DOCK4: variants seen among roughly 807,000 people sequenced by gnomAD.
DOCK4 encodes dedicator of cytokinesis 4, also known as dedicator of cytokinesis protein 4.
DOCK4 carries 97 observed loss-of-function variants against 268.1 expected under a neutral mutation model. That is an observed-to-expected ratio of 0.36 (90% CI 0.31 to 0.43). DOCK4 has a LOEUF of 0.43. DOCK4 is among the 20% of genes least tolerant of loss of function. The pLI is 1.00. For synonymous variants in DOCK4, 954 were observed against 887.2 expected, an observed-to-expected ratio of 1.08 and a Z score of -1.34; for missense variants, 2,145 against 2,455.7, an observed-to-expected ratio of 0.87 and a Z score of 2.67.
intron 1 of DOCK4, among the ~76,000 whole-genome samples, chr7:112,039,160 CCATATTTCA>C (rs1164431969): frequency 6.6e-6 from 1 of 152,124 alleles, no homozygotes; most frequent in Admixed American, 6.5e-5. Context: ...GAATCATCAT[CCATATTTCA>C]ACACACACTT....
chr7:111,836,837 T>C (rs146775889), intron 25 of DOCK4, among the ~76,000 whole-genome samples: 5 of 151,480 alleles, frequency 3.3e-5, no homozygotes, highest in East Asian at 1.9e-4. Flanking sequence ...AAATAAAGCA[T>C]AGACAGAAAA....
intron 38 of DOCK4, 88 bp from the exon 39 acceptor site, chr7:111,765,310 G>T: frequency 1.2e-6 from 1 of 813,222 alleles, no homozygotes; most frequent in Non-Finnish European, 1.9e-6. Flanking sequence ...TTTACATAAA[G>T]GAGAACTTTA....
At chr7:111,828,798 G>C (rs1230490222) in intron 26 of DOCK4, among the ~76,000 whole-genome samples, 1 of 151,232 alleles carries the variant, frequency 6.6e-6, no homozygotes, top group African/African-American at 2.4e-5. Flanking sequence ...AAGGTAGTGG[G>C]CTATATAATA....
At chr7:112,082,099 C>T (rs1273809668) in intron 1 of DOCK4, among the ~76,000 whole-genome samples, 2 of 152,072 alleles carry the variant, frequency 1.3e-5, no homozygotes, top group African/African-American at 4.8e-5. Flanking sequence ...TAGCTCCGCA[C>T]CTGTCATGGA....
At chr7:111,812,060 G>A in intron 27 of DOCK4, 111 bp from the exon 28 acceptor site, 2 of 555,650 alleles carry the variant, frequency 3.6e-6, no homozygotes, top group Non-Finnish European at 3.2e-6. Context: ...GTAAGCATCT[G>A]GAGCAATATT....
intron 1 of DOCK4, among the ~76,000 whole-genome samples, chr7:112,135,326 T>C (rs535010033): frequency 1.2e-4 from 19 of 152,310 alleles, no homozygotes; most frequent in African/African-American, 4.1e-4. Flanking sequence ...TTTAGTCTTA[T>C]GTTTTTGTCA....
chr7:111,941,164 T>A (rs1362675715), intron 10 of DOCK4, among the ~76,000 whole-genome samples: 3 of 152,200 alleles, frequency 2.0e-5, no homozygotes, highest in African/African-American at 7.2e-5. Context: ...CCCGAAAACC[T>A]CTTATTTTAT....
chr7:112,204,982 T>TA (rs1242787922), intron 1 of DOCK4, among the ~76,000 whole-genome samples: 2 of 152,060 alleles, frequency 1.3e-5, no homozygotes, highest in African/African-American at 4.8e-5. Flanking sequence ...TGCTTTCTGT[T>TA]AGACCTTCTG....
chr7:112,089,318 T>C (rs1486043630), intron 1 of DOCK4, among the ~76,000 whole-genome samples: 1 of 152,100 alleles, frequency 6.6e-6, no homozygotes, highest in Non-Finnish European at 1.5e-5. Flanking sequence ...ATATAATCAA[T>C]ACAAAAAACT....
chr7:111,918,136 G>A (rs557922165), intron 12 of DOCK4, among the ~76,000 whole-genome samples: 4 of 152,164 alleles, frequency 2.6e-5, no homozygotes, highest in Non-Finnish European at 5.9e-5. Flanking sequence ...AGAAACTGGA[G>A]CCTCTCCTGA....
rs17159315 is a variant in DOCK4, at chr7:112,160,855, G to A, written c.37+45247C>T. On this transcript the variant is annotated intron_variant, in intron 1 of 52. Coordinates refer to ENST00000428084, the MANE Select transcript of DOCK4 (RefSeq NM_001363540.2). The stretch of plus-strand genomic sequence containing the variant: ...TTTACATTTCATCAGTTTTTCCTGA[G>A]AATGAAGGCTGAGCAAATATTTTCA... Among the ~76,000 whole-genome samples the A allele has an allele frequency of 7.4e-3, 1,127 of 152,266 alleles. 13 individuals are homozygous for A. Among genetic ancestry groups the A allele is most frequent in the African/African-American group, 0.025 (1,051 of 41,552 alleles).
At chr7:112,037,625 T>C (rs1490254508) in intron 1 of DOCK4, among the ~76,000 whole-genome samples, 1 of 152,254 alleles carries the variant, frequency 6.6e-6, no homozygotes, top group African/African-American at 2.4e-5. Flanking sequence ...TGTATATTAA[T>C]AGTCCTTTTA....
chr7:111,743,149 T>A (rs1192753293), intron 44 of DOCK4, among the ~76,000 whole-genome samples: 1 of 152,206 alleles, frequency 6.6e-6, no homozygotes, highest in Non-Finnish European at 1.5e-5. Flanking sequence ...TGTGCAACCA[T>A]CAACAGTGTG....
At chr7:112,127,202 C>A (rs530181903) in intron 1 of DOCK4, among the ~76,000 whole-genome samples, 1 of 151,736 alleles carries the variant, frequency 6.6e-6, no homozygotes, top group South Asian at 2.1e-4. Context: ...AAATGTGGCA[C>A]ATATACACCA....
intron 2 of DOCK4, among the ~76,000 whole-genome samples, chr7:112,001,616 G>GA (rs34876210): frequency 0.5 from 75,610 of 151,140 alleles, 20,258 homozygotes; most frequent in East Asian, 0.74. Context: ...AATAAGGAAA[G>GA]AAAAAAAAAT....
intron 30 of DOCK4, among the ~76,000 whole-genome samples, chr7:111,791,282 C>CACACACACACACACACACACAG (rs1250347994): frequency 1.2e-4 from 18 of 149,872 alleles, no homozygotes; most frequent in African/African-American, 4.4e-4. Flanking sequence ...AAAATACACA[C>CACACACACACACACACACACAG]ACACACACAC....
chr7:111,946,366 A>G (rs1412314802), intron 8 of DOCK4, among the ~76,000 whole-genome samples: 1 of 152,206 alleles, frequency 6.6e-6, no homozygotes, highest in African/African-American at 2.4e-5. Context: ...ATTTGAAAAT[A>G]CAGTGCCACC....
At chr7:112,170,839 A>G (rs10487347) in intron 1 of DOCK4, among the ~76,000 whole-genome samples, 15,284 of 152,238 alleles carry the variant, frequency 0.1, 948 homozygotes, top group South Asian at 0.14. Context: ...TGCCTCAGAG[A>G]ATAGTATACA....
chr7:112,206,182 C>G lies in DOCK4; in HGVS notation c.-44G>C. ...GTCTTCAGGCTTTGTAATCCCCGCG[C>G]CCCTTCTCCGGCTCACAACAATGCA... On this transcript the variant is annotated 5_prime_UTR_variant, in exon 1 of 53. Transcript: ENST00000428084. The G allele has an allele frequency of 6.4e-7, 1 of 1,551,170 alleles. No individual in the cohort carries two copies. The highest frequency in any genetic ancestry group is 1.4e-5 in the African/African-American group (1 of 73,300).
Sources: allele counts gnomAD v4.1 joint callset (sites outside exome capture counted in the v4.1 genomes callset), GRCh38; gene constraint gnomAD v4.1.1; transcripts MANE v1.5; gene names NCBI Gene and HGNC (gene_info 2026-07-23, HGNC 2026-07-21).